The following COL25A1 variants were observed in gnomAD, a reference collection of about 807,000 sequenced individuals.
COL25A1 encodes collagen alpha-1(XXV) chain.
In COL25A1, 103 loss-of-function variants were observed where a neutral mutation model predicts 128.4. The observed-to-expected ratio is 0.80, with a 90% CI of 0.68 to 0.94. The LOEUF (loss-of-function observed/expected upper bound fraction) is 0.94, where lower values mean the gene tolerates loss of function less well. Among genes scored for constraint, COL25A1 ranks in the 40% least tolerant of loss-of-function variants. The pLI is 0.00. For synonymous variants in COL25A1, 279 were observed against 277.2 expected (o/e 1.01, Z -0.06); for missense variants, 745 against 840.0 (o/e 0.89, Z 1.40).
intron 16 of COL25A1, among the ~76,000 whole-genome samples, chr4:108,891,272 T>C (rs1046627251): frequency 6.6e-6 from 1 of 152,188 alleles, no homozygotes; most frequent in African/African-American, 2.4e-5. Flanking sequence ...CCGATAGTTA[T>C]GTGAGTTTCT....
At chr4:109,087,347 G>A (rs887076596) in intron 3 of COL25A1, among the ~76,000 whole-genome samples, 3 of 152,088 alleles carry the variant, frequency 2.0e-5, no homozygotes, top group Admixed American at 2.0e-4. Context: ...CAATAAAGGG[G>A]TCTGCACCTA....
At chr4:109,208,651 C>T (rs1352005634) in intron 3 of COL25A1, among the ~76,000 whole-genome samples, 1 of 152,104 alleles carries the variant, frequency 6.6e-6, no homozygotes, top group Non-Finnish European at 1.5e-5. Context: ...CAAAGAACCA[C>T]ATTACGAAGG....
At chr4:109,127,741 G>A (rs145032887) in intron 3 of COL25A1, among the ~76,000 whole-genome samples, 4 of 152,258 alleles carry the variant, frequency 2.6e-5, no homozygotes, top group Non-Finnish European at 4.4e-5. Context: ...TTAGTAGGCC[G>A]TAAACGTTAG....
chr4:109,270,208 A>G (rs1337787938), intron 3 of COL25A1, among the ~76,000 whole-genome samples: 1 of 152,080 alleles, frequency 6.6e-6, no homozygotes, highest in Non-Finnish European at 1.5e-5. Context: ...TAGTGTTGGA[A>G]GTTCTGGCCA....
At chr4:108,875,215 T>C (rs1026831488) in intron 19 of COL25A1, among the ~76,000 whole-genome samples, 2 of 152,020 alleles carry the variant, frequency 1.3e-5, no homozygotes, top group Non-Finnish European at 2.9e-5. Context: ...ACAAATGGGA[T>C]CTAATTAAAC....
intron 16 of COL25A1, among the ~76,000 whole-genome samples, chr4:108,892,290 T>C (rs1403598016): frequency 6.6e-6 from 1 of 152,206 alleles, no homozygotes; most frequent in Non-Finnish European, 1.5e-5. Flanking sequence ...GAGAAGATAC[T>C]TGAGATAAAT....
intron 3 of COL25A1, among the ~76,000 whole-genome samples, chr4:109,260,042 G>A (rs1382343834): frequency 6.6e-6 from 1 of 152,212 alleles, no homozygotes. Flanking sequence ...TCCCATTTAT[G>A]AGTCAAGGTG....
intron 3 of COL25A1, among the ~76,000 whole-genome samples, chr4:109,062,240 T>G (rs1762046637): frequency 6.6e-6 from 1 of 152,202 alleles, no homozygotes; most frequent in African/African-American, 2.4e-5. Flanking sequence ...GCTCTGGAGC[T>G]AACTATCAGA....
At chr4:108,977,252 G>A (rs987729143) in intron 6 of COL25A1, among the ~76,000 whole-genome samples, 6 of 152,154 alleles carry the variant, frequency 3.9e-5, no homozygotes, top group Non-Finnish European at 8.8e-5. Flanking sequence ...GAGGGGCAGA[G>A]GGGACTAAGA....
intron 3 of COL25A1, among the ~76,000 whole-genome samples, chr4:109,186,004 G>A (rs191308777): frequency 2.7e-4 from 41 of 152,296 alleles, no homozygotes; most frequent in Non-Finnish European, 5.4e-4. Flanking sequence ...TTGTGGCAGC[G>A]TGGGCAAACT....
At chr4:108,871,417 G>T (rs550635818) in intron 19 of COL25A1, among the ~76,000 whole-genome samples, 1 of 152,230 alleles carries the variant, frequency 6.6e-6, no homozygotes, top group South Asian at 2.1e-4. Context: ...CCGGGTTCAC[G>T]CCATTTTCCT....
chr4:109,151,254 G>A (rs1460037217), intron 3 of COL25A1, among the ~76,000 whole-genome samples: 3 of 152,078 alleles, frequency 2.0e-5, no homozygotes, highest in Non-Finnish European at 4.4e-5. Flanking sequence ...CCTGCTGCAA[G>A]TTACCTATAG....
At chr4:109,198,302 A>ACACACT (rs1001471267) in intron 3 of COL25A1, among the ~76,000 whole-genome samples, 1 of 144,358 alleles carries the variant, frequency 6.9e-6, no homozygotes, top group African/African-American at 2.8e-5. Context: ...ATTCACACAC[A>ACACACT]CACACACACA....
At chr4:109,122,495 G>A (rs939684710) in intron 3 of COL25A1, among the ~76,000 whole-genome samples, 1 of 152,024 alleles carries the variant, frequency 6.6e-6, no homozygotes, top group African/African-American at 2.4e-5. Context: ...AGGGAAGTCT[G>A]TCATAAATTT....
intron 6 of COL25A1, among the ~76,000 whole-genome samples, chr4:108,976,488 C>T (rs956944786): frequency 3.9e-5 from 6 of 152,150 alleles, no homozygotes; most frequent in African/African-American, 1.2e-4. Context: ...AACAGAAATA[C>T]TAATTCTAGA....
Position 109,009,113 on chromosome 4 carries a change from C to A in COL25A1, c.438+1245G>T, listed in dbSNP as rs1020249304. Among the ~76,000 whole-genome samples, 3 of 152,286 alleles carry A rather than the reference C, an allele frequency of 2.0e-5. No homozygotes were observed. The South Asian group carries it at 6.2e-4, about 32-fold the overall frequency. On this transcript the variant is annotated intron_variant, in intron 6 of 37. Coordinates refer to ENST00000399132, the MANE Select transcript of COL25A1 (RefSeq NM_198721.4). ...CTCCAGCCTGGGCAACAGAGCAAGA[C>A]TCCGTCTCAGAAAAAACAAAACAAA...
chr4:108,822,022 G>A (rs1032312288), intron 35 of COL25A1, among the ~76,000 whole-genome samples: 4 of 137,342 alleles, frequency 2.9e-5, no homozygotes, highest in African/African-American at 5.4e-5. Flanking sequence ...TCTCATAAAC[G>A]TGAGTATCCT....
chr4:108,898,505 T>G (rs1230725181), intron 15 of COL25A1, among the ~76,000 whole-genome samples: 2 of 152,170 alleles, frequency 1.3e-5, no homozygotes, highest in Non-Finnish European at 2.9e-5. Context: ...TAATATGCAA[T>G]CAGAGCCTAA....
intron 3 of COL25A1, among the ~76,000 whole-genome samples, chr4:109,216,297 GGACGGAAGGAAGGAAA>G (rs1777990142): frequency 6.7e-6 from 1 of 149,258 alleles, no homozygotes; most frequent in South Asian, 2.1e-4. Context: ...AAGGAAGGAA[GGACGGAAGGAAGGAAA>G]GACGGAAGGA....
Sources: gnomAD v4.1 joint callset for allele counts (sites outside exome capture counted in the v4.1 genomes callset) on GRCh38, gnomAD v4.1.1 for gene constraint, MANE v1.5 for transcripts, NCBI Gene and HGNC (gene_info 2026-07-23, HGNC 2026-07-21) for gene names.